Variants in SMIM31 observed in about 807,000 individuals in gnomAD.
SMIM31 encodes the protein small integral membrane protein 31.
intron 1 of SMIM31, among the ~76,000 whole-genome samples, chr4:164,765,625 A>G (rs1732710066): frequency 3.6e-5 from 3 of 83,208 alleles, no homozygotes; most frequent in South Asian, 3.5e-4. Context: ...TTTGTCTCAG[A>G]AAAAAAAAAA....
intron 2 of SMIM31, among the ~76,000 whole-genome samples, chr4:164,779,257 G>A (rs1033770814): frequency 5.3e-5 from 8 of 152,242 alleles, no homozygotes; most frequent in East Asian, 1.9e-4. Context: ...TTTCCGTAGC[G>A]TGTGGCTAAA....
chr4:164,798,296 C>G lies in SMIM31; in HGVS notation c.113-2795C>G, dbSNP rs538793647. 2.0e-5 allele frequency among the ~76,000 whole-genome samples: 3 copies of G among 151,028 alleles called. No individual in the cohort carries two copies. In the East Asian group the frequency reaches 5.8e-4, roughly 29 times the overall value. On this transcript the variant is annotated intron_variant, in intron 2 of 2. Coordinates refer to ENST00000507311, the MANE Select transcript of SMIM31 (RefSeq NM_001352885.1). ...TCGCCCAGTCTGGAGTGCAATGGCTCGATCTCAGGTCACTGCAAGCTCCGC... is the reference window on the plus strand; with the variant it reads ...TCGCCCAGTCTGGAGTGCAATGGCTGGATCTCAGGTCACTGCAAGCTCCGC...
intron 1 of SMIM31, 139 bp from the exon 2 acceptor site, chr4:164,770,280 A>T: frequency 2.6e-6 from 1 of 390,108 alleles, no homozygotes; most frequent in Non-Finnish European, 4.5e-6. Context: ...CCACTGCCAA[A>T]TACATTGTTC....
At chr4:164,762,993 A>G (rs1353828026) in intron 1 of SMIM31, among the ~76,000 whole-genome samples, 2 of 152,236 alleles carry the variant, frequency 1.3e-5, no homozygotes, top group African/African-American at 4.8e-5. Context: ...TTTCAAGCAC[A>G]AAAGAATTCT....
chr4:164,759,251 C>T (rs1197247947), intron 1 of SMIM31, among the ~76,000 whole-genome samples: 2 of 152,092 alleles, frequency 1.3e-5, no homozygotes, highest in Admixed American at 1.3e-4. Flanking sequence ...ATTATTTCCT[C>T]TGCCTCTATT....
At chr4:164,762,965 C>G (rs967674413) in intron 1 of SMIM31, among the ~76,000 whole-genome samples, 1 of 152,086 alleles carries the variant, frequency 6.6e-6, no homozygotes, top group Non-Finnish European at 1.5e-5. Context: ...GTTAAAGTGA[C>G]TTTGGAGATC....
In SMIM31 at chr4:164,772,724, G is replaced by C. The variant is rs1037399689; in HGVS notation, c.112+2169G>C. 1.3e-4 allele frequency among the ~76,000 whole-genome samples: 20 copies of C among 151,548 alleles called. No homozygotes were observed. The East Asian group carries it at 3.5e-3, about 27-fold the overall frequency. On this transcript the variant is annotated intron_variant, in intron 2 of 2. Coordinates refer to ENST00000507311, the MANE Select transcript of SMIM31 (RefSeq NM_001352885.1). ...CTCCCGTGTAGCTGGGACTACAGGC[G>C]CCCGCCACCACGCCCGGCTAATTTT... is the stretch of plus-strand genomic sequence containing the variant.
chr4:164,765,992 TC>T (rs1560824572), intron 1 of SMIM31, among the ~76,000 whole-genome samples: 2 of 152,224 alleles, frequency 1.3e-5, no homozygotes, highest in African/African-American at 4.8e-5. Context: ...TTCCATGCTG[TC>T]CCCGAGCAAT....
chr4:164,797,432 A>C lies in SMIM31; in HGVS notation c.113-3659A>C, dbSNP rs1302458800. Among the ~76,000 whole-genome samples the C allele has an allele frequency of 2.0e-5, 3 of 149,990 alleles. No homozygotes were observed. The East Asian group carries it at 5.9e-4, about 30-fold the overall frequency. On this transcript the variant is annotated intron_variant, in intron 2 of 2. Transcript: ENST00000507311. ...AGGACATGTATATATATATGTATGTATGTATTTAGAGAGTAAAGTGCAGAT... is the reference window on the plus strand; with the variant it reads ...AGGACATGTATATATATATGTATGTCTGTATTTAGAGAGTAAAGTGCAGAT...
chr4:164,764,785 GA>G (rs1484448405), intron 1 of SMIM31, among the ~76,000 whole-genome samples: 2 of 152,154 alleles, frequency 1.3e-5, no homozygotes, highest in African/African-American at 4.8e-5. Context: ...CAGGCAACAT[GA>G]CAAATTCCTG....
chr4:164,789,996 C>T (rs1225082458), intron 2 of SMIM31, among the ~76,000 whole-genome samples: 2 of 152,144 alleles, frequency 1.3e-5, no homozygotes, highest in African/African-American at 4.8e-5. Context: ...CACATTTATT[C>T]ATTTGGAGAC....
intron 2 of SMIM31, among the ~76,000 whole-genome samples, chr4:164,772,846 G>A (rs1732829626): frequency 6.6e-6 from 1 of 151,648 alleles, no homozygotes; most frequent in South Asian, 2.1e-4. Flanking sequence ...CCAAAGTGCT[G>A]GGATTACAGG....
chr4:164,762,662 C>CAAAAAAAAAAAAAAAAAAAAAAA (rs1162067333), intron 1 of SMIM31, among the ~76,000 whole-genome samples: 3 of 100,068 alleles, frequency 3.0e-5, no homozygotes, highest in East Asian at 2.9e-4. Flanking sequence ...GACTCTGTCT[C>CAAAAAAAAAAAAAAAAAAAAAAA]AAAAAAAAAA....
intron 2 of SMIM31, among the ~76,000 whole-genome samples, chr4:164,780,714 T>C (rs1732939078): frequency 6.6e-6 from 1 of 152,236 alleles, no homozygotes; most frequent in Non-Finnish European, 1.5e-5. Flanking sequence ...TCTAAAATTC[T>C]AAAAATTAGC....
At chr4:164,780,528 A>G (rs1384070631) in intron 2 of SMIM31, among the ~76,000 whole-genome samples, 1 of 152,254 alleles carries the variant, frequency 6.6e-6, no homozygotes, top group Non-Finnish European at 1.5e-5. Context: ...TTGTAGATCA[A>G]TGAATCCTAA....
chr4:164,756,742 A>G (rs1732567860), intron 1 of SMIM31, among the ~76,000 whole-genome samples: 1 of 152,056 alleles, frequency 6.6e-6, no homozygotes, highest in Admixed American at 6.5e-5. Context: ...CTTCAGATTC[A>G]TTTGTCTTGT....
chr4:164,794,934 T>A (rs570435445), intron 2 of SMIM31, among the ~76,000 whole-genome samples: 1 of 152,000 alleles, frequency 6.6e-6, no homozygotes, highest in Admixed American at 6.5e-5. Context: ...TGGAAATATA[T>A]ATATAATGAA....
At position 164,770,108 on chromosome 4, in the gene SMIM31, C is replaced by T. The variant is rs374555281; in HGVS notation, c.-25-311C>T. On this transcript the variant is annotated intron_variant, in intron 1 of 2. Coordinates refer to ENST00000507311, the MANE Select transcript of SMIM31 (RefSeq NM_001352885.1). The stretch of plus-strand genomic sequence containing the variant: ...TGGCCCCGTTTAAGTGCTCATTGCA[C>T]GTCAGCATACCTTGTCTTTATTCCC... Among the ~76,000 whole-genome samples the T allele has an allele frequency of 5.9e-5, 9 of 152,168 alleles. No homozygotes were observed. In the South Asian group the frequency reaches 6.2e-4, roughly 11 times the overall value.
Position 164,796,163 on chromosome 4 carries a change from T to G in SMIM31, c.113-4928T>G, listed in dbSNP as rs540010580. ...ACTAGCCCATCAGGAGATGCACTAT[T>G]TCTATTGGCCGGGTGGTGTTCAAAC... On this transcript the variant is annotated intron_variant, in intron 2 of 2. Coordinates refer to ENST00000507311, the MANE Select transcript of SMIM31 (RefSeq NM_001352885.1). Among the ~76,000 whole-genome samples, 24 of 152,356 alleles carry G rather than the reference T, an allele frequency of 1.6e-4. No homozygotes were observed. In the South Asian group the frequency reaches 4.8e-3, roughly 30 times the overall value.
Sources: allele counts gnomAD v4.1 joint callset (sites outside exome capture counted in the v4.1 genomes callset), GRCh38; gene constraint gnomAD v4.1.1; transcripts MANE v1.5; gene names NCBI Gene and HGNC (gene_info 2026-07-23, HGNC 2026-07-21).